Variants in SUPT3H observed in about 807,000 individuals in gnomAD.
The protein encoded by SUPT3H is transcription initiation protein SPT3 homolog.
SUPT3H carries 44 observed loss-of-function variants against 44.3 expected under a neutral mutation model. The ratio of observed to expected loss-of-function variants is 0.99; its 90% CI spans 0.78 to 1.28. The LOEUF is 1.28. SUPT3H is among the 50% of genes most tolerant of loss of function. The pLI, the probability that SUPT3H is intolerant of heterozygous loss-of-function variation, is 0.00. For missense variants in SUPT3H, 380 were observed against 387.1 expected (o/e 0.98, Z 0.15); for synonymous variants, 124 against 125.6 (o/e 0.99, Z 0.09).
In SUPT3H at chr6:45,160,422, C is replaced by T. The variant is rs531844800; in HGVS notation, c.102-54416G>A. On this transcript the variant is annotated intron_variant, in intron 2 of 10. Transcript: ENST00000371459. ...CAGTCTAAAATTAGATGACCAAAGA[C>T]GTAAGTACTACATCCACAGTCAAGA... Among the ~76,000 whole-genome samples, 6 of 152,148 alleles carry T rather than the reference C, an allele frequency of 3.9e-5. 1 individual carries two copies. The highest frequency in any genetic ancestry group is 2.1e-4 in the South Asian group (1 of 4,824).
intron 2 of SUPT3H, among the ~76,000 whole-genome samples, chr6:45,162,792 T>C (rs1809234014): frequency 6.6e-6 from 1 of 152,134 alleles, no homozygotes; most frequent in Admixed American, 6.6e-5. Flanking sequence ...ATATATAAAT[T>C]ATTTTCATGA....
intron 11 of SUPT3H, among the ~76,000 whole-genome samples, chr6:44,811,083 G>C (rs1045018849): frequency 9.2e-5 from 14 of 152,114 alleles, no homozygotes; most frequent in Admixed American, 8.5e-4. Context: ...GCCCATACTT[G>C]ATTCGGATTT....
chr6:45,226,084 G>A (rs1251154329), intron 2 of SUPT3H, among the ~76,000 whole-genome samples: 1 of 152,146 alleles, frequency 6.6e-6, no homozygotes. Flanking sequence ...CACTTACAAT[G>A]TGTCAAGTAG....
intron 3 of SUPT3H, among the ~76,000 whole-genome samples, chr6:45,103,965 T>C (rs753263569): frequency 2.6e-5 from 4 of 152,048 alleles, no homozygotes; most frequent in Non-Finnish European, 5.9e-5. Context: ...ATTATCAACA[T>C]AGAATTCCAT....
intron 10 of SUPT3H, among the ~76,000 whole-genome samples, chr6:44,883,652 T>C (rs1778636203): frequency 6.6e-6 from 1 of 152,118 alleles, no homozygotes; most frequent in Non-Finnish European, 1.5e-5. Flanking sequence ...AAAAGCATGG[T>C]ACTAGTACCA....
chr6:45,186,126 G>A (rs116379649), intron 2 of SUPT3H, among the ~76,000 whole-genome samples: 1 of 152,304 alleles, frequency 6.6e-6, no homozygotes, highest in African/African-American at 2.4e-5. Flanking sequence ...GGCAATGTAA[G>A]TCAGTGTCCC....
chr6:44,865,852 G>C (rs1247082326), intron 10 of SUPT3H, among the ~76,000 whole-genome samples: 1 of 152,144 alleles, frequency 6.6e-6, no homozygotes, highest in Non-Finnish European at 1.5e-5. Context: ...TGCTGTAAAA[G>C]GGCAGTAACA....
At chr6:45,261,621 A>C (rs982843064) in intron 2 of SUPT3H, among the ~76,000 whole-genome samples, 15 of 152,162 alleles carry the variant, frequency 9.9e-5, no homozygotes, top group Admixed American at 7.2e-4. Flanking sequence ...AGCCATCATC[A>C]TACTGGACAG....
chr6:45,236,344 G>A (rs77691159), intron 2 of SUPT3H, among the ~76,000 whole-genome samples: 31 of 152,158 alleles, frequency 2.0e-4, no homozygotes, highest in East Asian at 9.7e-4. Context: ...AGCAATCCCC[G>A]TGGTGAGTAA....
downstream of SUPT3H, among the ~76,000 whole-genome samples, chr6:44,823,262 A>T (rs1422803785): frequency 6.6e-6 from 1 of 152,160 alleles, no homozygotes; most frequent in Non-Finnish European, 1.5e-5. Context: ...ATGATCAGGG[A>T]TACTAAATAG....
At chr6:45,260,874 C>T (rs944961873) in intron 2 of SUPT3H, among the ~76,000 whole-genome samples, 7 of 152,102 alleles carry the variant, frequency 4.6e-5, no homozygotes, top group East Asian at 1.9e-4. Flanking sequence ...GTCACCAAGA[C>T]GAAAATCACT....
chr6:45,001,304 C>T (rs114578627), intron 6 of SUPT3H, among the ~76,000 whole-genome samples: 6,384 of 152,008 alleles, frequency 0.042, 179 homozygotes, highest in Admixed American at 0.079. Context: ...TTTATTTGAT[C>T]ATTTAAAAGG....
At chr6:44,992,699 C>T (rs1780759360) in intron 6 of SUPT3H, among the ~76,000 whole-genome samples, 1 of 151,978 alleles carries the variant, frequency 6.6e-6, no homozygotes, top group Non-Finnish European at 1.5e-5. Flanking sequence ...AAATTTCATC[C>T]AAAAACTAAC....
intron 3 of SUPT3H, among the ~76,000 whole-genome samples, chr6:45,104,065 C>CA (rs57652040): frequency 0.025 from 3,870 of 151,846 alleles, 94 homozygotes; most frequent in South Asian, 0.086. Context: ...AGCTGTACTA[C>CA]AAAAAAAGTT....
intron 10 of SUPT3H, among the ~76,000 whole-genome samples, chr6:44,910,357 T>C (rs769740728): frequency 6.6e-5 from 10 of 152,206 alleles, no homozygotes; most frequent in Non-Finnish European, 1.3e-4. Context: ...GTGGAGAAAA[T>C]TGTTTACTAT....
intron 3 of SUPT3H, among the ~76,000 whole-genome samples, chr6:45,039,106 C>A (rs1392129963): frequency 1.3e-5 from 2 of 151,892 alleles, no homozygotes; most frequent in East Asian, 1.9e-4. Context: ...TTTGGAAGGG[C>A]ACAGAAAAAA....
intron 11 of SUPT3H, among the ~76,000 whole-genome samples, chr6:44,817,748 A>G (rs534328797): frequency 6.6e-6 from 1 of 152,286 alleles, no homozygotes; most frequent in South Asian, 2.1e-4. Context: ...AACATCAGCC[A>G]TGAAATATCC....
chr6:44,881,698 G>C (rs1778248067), intron 10 of SUPT3H, among the ~76,000 whole-genome samples: 1 of 152,140 alleles, frequency 6.6e-6, no homozygotes, highest in African/African-American at 2.4e-5. Flanking sequence ...TCAGACCACA[G>C]TGCAATCAAA....
At position 44,858,370 on chromosome 6, in the gene SUPT3H, T is replaced by C. The variant is rs80261484; in HGVS notation, c.913-28513A>G. Among the ~76,000 whole-genome samples, 389 of 152,312 alleles carry C rather than the reference T, an allele frequency of 2.6e-3. 2 individuals carry two copies. The highest frequency in any genetic ancestry group is 8.5e-3 in the African/African-American group (355 of 41,564). On this transcript the variant is annotated intron_variant, in intron 10 of 10. Coordinates refer to ENST00000371459, the MANE Select transcript of SUPT3H (RefSeq NM_003599.4). ...TATTCTAGGCCTTTTACATTTAATC[T>C]TCACAACCCTACAAGGAAGGTGCAT... is the stretch of plus-strand genomic sequence containing the variant.
Sources: gnomAD v4.1 joint callset for allele counts (sites outside exome capture counted in the v4.1 genomes callset) on GRCh38, gnomAD v4.1.1 for gene constraint, MANE v1.5 for transcripts, NCBI Gene and HGNC (gene_info 2026-07-23, HGNC 2026-07-21) for gene names.